CCNYL1: variants seen among roughly 807,000 people sequenced by gnomAD.
CCNYL1 encodes cyclin Y like 1, also known as cyclin-Y-like protein 1.
A neutral mutation model predicts 44.2 loss-of-function variants in CCNYL1; 16 were observed. That is an observed-to-expected ratio of 0.36 (90% CI 0.25 to 0.55). The LOEUF (loss-of-function observed/expected upper bound fraction) is 0.55, where lower values mean the gene tolerates loss of function less well. Ranked by LOEUF, CCNYL1 falls within the 20% of genes least tolerant of loss-of-function variation. The pLI is 0.85. For synonymous variants in CCNYL1, 159 were observed against 163.2 expected, an observed-to-expected ratio of 0.97 and a Z score of 0.20; for missense variants, 348 against 451.8, an observed-to-expected ratio of 0.77 and a Z score of 2.08.
intron 1 of CCNYL1, among the ~76,000 whole-genome samples, chr2:207,719,602 A>G (rs2105819032): frequency 6.6e-6 from 1 of 152,302 alleles, no homozygotes; most frequent in Middle Eastern, 3.4e-3. Context: ...CGCCCGGCTT[A>G]TAGCAATTGC....
intron 9 of CCNYL1, among the ~76,000 whole-genome samples, chr2:207,752,047 A>T (rs545781509): frequency 5.3e-4 from 81 of 151,694 alleles, no homozygotes; most frequent in South Asian, 1.5e-3. Flanking sequence ...AAAAAAAAAA[A>T]TTTTTTCTTT....
At chr2:207,716,166 A>G (rs1427866653) in intron 1 of CCNYL1, among the ~76,000 whole-genome samples, 4 of 152,082 alleles carry the variant, frequency 2.6e-5, no homozygotes, top group Non-Finnish European at 1.5e-5. Flanking sequence ...GGAGCATTTT[A>G]TGTTCTGACG....
intron 2 of CCNYL1, among the ~76,000 whole-genome samples, chr2:207,726,032 A>G (rs193158682): frequency 6.6e-6 from 1 of 152,224 alleles, no homozygotes; most frequent in Non-Finnish European, 1.5e-5. Flanking sequence ...GGATAGTTGT[A>G]TTTCTCAGTT....
chr2:207,743,296 G>A (rs1287675663), intron 7 of CCNYL1, among the ~76,000 whole-genome samples: 1 of 152,304 alleles, frequency 6.6e-6, no homozygotes, highest in African/African-American at 2.4e-5. Flanking sequence ...CAGGAAGAGG[G>A]GAGTTCATTT....
chr2:207,751,212 G>A, intron 9 of CCNYL1, 93 bp downstream of exon 9: 1 of 1,168,286 alleles, frequency 8.6e-7, no homozygotes, highest in Non-Finnish European at 1.2e-6. Context: ...TAGGAAAATG[G>A]AAAGCTTTAA....
chr2:207,712,130 G>C lies in CCNYL1; in HGVS notation c.220+14G>C, dbSNP rs200116272. On this transcript the variant is annotated intron_variant, in intron 1 of 9. Coordinates refer to ENST00000295414, the MANE Select transcript of CCNYL1 (RefSeq NM_001330218.2). ...AGATGCCCGAAGGTAAGGAGGCGGC[G>C]GATGCCATCCGCCCTCGGGCTCACC... 6,282 of 1,591,864 alleles carry C rather than the reference G, an allele frequency of 3.9e-3. 24 individuals are homozygous for C. The highest frequency in any genetic ancestry group is 4.9e-3 in the Non-Finnish European group (5,711 of 1,169,970).
intron 1 of CCNYL1, among the ~76,000 whole-genome samples, chr2:207,720,804 C>T (rs2091634693): frequency 6.6e-6 from 1 of 152,150 alleles, no homozygotes; most frequent in Non-Finnish European, 1.5e-5. Context: ...TATGAAATGT[C>T]ACAGCTCAGT....
At chr2:207,725,532 T>C (rs908187127) in intron 2 of CCNYL1, among the ~76,000 whole-genome samples, 2 of 152,234 alleles carry the variant, frequency 1.3e-5, no homozygotes, top group Admixed American at 1.3e-4. Flanking sequence ...TTGGTTTCAT[T>C]TGAACAACAA....
intron 9 of CCNYL1, among the ~76,000 whole-genome samples, chr2:207,752,715 ATATG>A (rs2091902664): frequency 6.6e-6 from 1 of 152,104 alleles, no homozygotes; most frequent in Non-Finnish European, 1.5e-5. Flanking sequence ...CTTTAGAATA[ATATG>A]TATTTCTAGG....
chr2:207,715,138 G>A (rs1166360935), intron 1 of CCNYL1, among the ~76,000 whole-genome samples: 2 of 151,902 alleles, frequency 1.3e-5, no homozygotes, highest in African/African-American at 4.8e-5. Context: ...TGTGGTGGCG[G>A]GCATCTGTAA....
chr2:207,731,455 C>T (rs569942784), intron 3 of CCNYL1, among the ~76,000 whole-genome samples: 29 of 151,966 alleles, frequency 1.9e-4, no homozygotes, highest in African/African-American at 6.8e-4. Flanking sequence ...ATTCTTTGTC[C>T]CTATTTTGTG....
intron 3 of CCNYL1, among the ~76,000 whole-genome samples, chr2:207,731,677 C>G (rs2091727450): frequency 6.6e-6 from 1 of 152,090 alleles, no homozygotes; most frequent in South Asian, 2.1e-4. Context: ...AATTGCTTTG[C>G]TCAGAAGCTT....
In CCNYL1 at chr2:207,728,586, A is replaced by G. The variant is rs80127285; in HGVS notation, c.330+1710A>G. On this transcript the variant is annotated intron_variant, in intron 3 of 9. Coordinates refer to ENST00000295414, the MANE Select transcript of CCNYL1 (RefSeq NM_001330218.2). ...CCACTGCACCTAGCCAAAGCTTCCT[A>G]TTTCATAAGAGTATAAAATGCTAGG... Among the ~76,000 whole-genome samples the G allele has an allele frequency of 4.6e-5, 7 of 152,140 alleles. No homozygotes were observed. In the East Asian group the frequency reaches 1.4e-3, roughly 30 times the overall value.
intron 1 of CCNYL1, among the ~76,000 whole-genome samples, chr2:207,723,648 G>C (rs2091657935): frequency 6.6e-6 from 1 of 152,006 alleles, no homozygotes; most frequent in Non-Finnish European, 1.5e-5. Flanking sequence ...GGCTGAGGTG[G>C]GTGGATCACC....
chr2:207,754,046 CACTA>C lies in CCNYL1; in HGVS notation c.*351_*354del, dbSNP rs949203181. 11 of 176,734 alleles carry C rather than the reference CACTA, an allele frequency of 6.2e-5. No individual in the cohort carries two copies. The highest frequency in any genetic ancestry group is 1.9e-4 in the South Asian group (1 of 5,372). The allele number at this position is 176,734 out of a possible 1,614,324, so 10.9% of individuals were successfully genotyped here. The stretch of plus-strand genomic sequence containing the variant: ...AGTTTAAATTTTTAGACTTTAAAGA[CACTA>C]ACCATATAACTTTTATGTTTCTTCC... On this transcript the variant is annotated 3_prime_UTR_variant, in exon 10 of 10. Coordinates refer to ENST00000295414, the MANE Select transcript of CCNYL1 (RefSeq NM_001330218.2).
At chr2:207,750,302 T>TCGGG (rs2091882360) in intron 8 of CCNYL1, among the ~76,000 whole-genome samples, 2 of 152,210 alleles carry the variant, frequency 1.3e-5, no homozygotes, top group Non-Finnish European at 2.9e-5. Flanking sequence ...ATTTCTCACC[T>TCGGG]TCATAATATT....
rs1288520677 is a variant in CCNYL1, at chr2:207,756,033, AAAAC to A, written c.*2339_*2342del. ...AAATATTACAATCTACCACCTCAAA[AAAAC>A]AAATATTGTTTATGGAATTCAGAGT... On this transcript the variant is annotated 3_prime_UTR_variant, in exon 10 of 10. Coordinates refer to ENST00000295414, the MANE Select transcript of CCNYL1 (RefSeq NM_001330218.2). 24 of 152,222 alleles carry A rather than the reference AAAAC, an allele frequency of 1.6e-4. No individual in the cohort carries two copies. The highest frequency in any genetic ancestry group is 7.3e-5 in the Non-Finnish European group (5 of 68,030). The allele number at this position is 152,222 out of a possible 1,614,324, so 9.4% of individuals were successfully genotyped here.
chr2:207,753,326 T>G (rs2091908231), intron 9 of CCNYL1, among the ~76,000 whole-genome samples: 1 of 152,222 alleles, frequency 6.6e-6, no homozygotes, highest in Non-Finnish European at 1.5e-5. Flanking sequence ...CTTTGATATC[T>G]TTGGGAATCC....
intron 7 of CCNYL1, among the ~76,000 whole-genome samples, chr2:207,743,246 C>T (rs897426269): frequency 6.6e-6 from 1 of 152,136 alleles, no homozygotes; most frequent in African/African-American, 2.4e-5. Flanking sequence ...GTGGTGCTTC[C>T]AGATGTAGAG....
Sources: gnomAD v4.1 joint callset for allele counts (sites outside exome capture counted in the v4.1 genomes callset) on GRCh38, gnomAD v4.1.1 for gene constraint, MANE v1.5 for transcripts, NCBI Gene and HGNC (gene_info 2026-07-23, HGNC 2026-07-21) for gene names.